The following CACNA2D3 variants were observed in gnomAD, a reference collection of about 807,000 sequenced individuals.
CACNA2D3 encodes calcium voltage-gated channel auxiliary subunit alpha2delta 3.
A neutral mutation model predicts 160.6 loss-of-function variants in CACNA2D3; 60 were observed. The observed-to-expected ratio is 0.37, with a 90% confidence interval of 0.30 to 0.46. CACNA2D3 has a LOEUF of 0.46. Among genes scored for constraint, CACNA2D3 ranks in the 20% least tolerant of loss-of-function variants. The pLI, the probability that CACNA2D3 is intolerant of heterozygous loss-of-function variation, is 1.00. For synonymous variants in CACNA2D3, 558 were observed against 492.9 expected (o/e 1.13, Z -1.75); for missense variants, 1,205 against 1,365.0 (o/e 0.88, Z 1.85).
chr3:54,999,035 C>T (rs557100555), intron 31 of CACNA2D3, among the ~76,000 whole-genome samples: 3 of 152,288 alleles, frequency 2.0e-5, no homozygotes, highest in Non-Finnish European at 2.9e-5. Flanking sequence ...CGTGAGCCAC[C>T]GCGCCCGGCC....
At chr3:54,467,415 A>T (rs569861266) in intron 4 of CACNA2D3, among the ~76,000 whole-genome samples, 1 of 152,302 alleles carries the variant, frequency 6.6e-6, no homozygotes, top group African/African-American at 2.4e-5. Flanking sequence ...AAGCTCAGGG[A>T]TTGCCAAGTA....
chr3:54,146,684 T>C (rs1246744963), intron 2 of CACNA2D3, among the ~76,000 whole-genome samples: 1 of 151,806 alleles, frequency 6.6e-6, no homozygotes, highest in Non-Finnish European at 1.5e-5. Flanking sequence ...TACAAGGGAG[T>C]GTGGTCTTTC....
At chr3:54,234,173 C>G (rs1701831343) in intron 2 of CACNA2D3, among the ~76,000 whole-genome samples, 1 of 152,056 alleles carries the variant, frequency 6.6e-6, no homozygotes. Context: ...AAAAAAAACT[C>G]CATTAAAAAG....
chr3:54,920,393 T>G (rs1575374698), intron 27 of CACNA2D3, among the ~76,000 whole-genome samples: 1 of 150,704 alleles, frequency 6.6e-6, no homozygotes, highest in South Asian at 2.1e-4. Flanking sequence ...TTGCCACTGC[T>G]TAAAACTGAA....
At chr3:54,622,813 T>C (rs552246360) in intron 9 of CACNA2D3, among the ~76,000 whole-genome samples, 71 of 151,930 alleles carry the variant, frequency 4.7e-4, no homozygotes, top group Non-Finnish European at 7.5e-4. Flanking sequence ...GGATTGATCA[T>C]CAGCAAAATC....
chr3:54,757,148 A>C (rs1049843149), intron 12 of CACNA2D3, among the ~76,000 whole-genome samples: 1 of 152,158 alleles, frequency 6.6e-6, no homozygotes, highest in Non-Finnish European at 1.5e-5. Flanking sequence ...GTATGCCAAG[A>C]TTTTAAATAA....
In CACNA2D3 at chr3:54,845,811, G is replaced by A. The variant is rs373637726; in HGVS notation, c.1552-582G>A. On this transcript the variant is annotated intron_variant, in intron 16 of 37. Transcript: ENST00000474759. ...ATGGAAGCATGCATGGAAAAGCTAGGCAGCCACACAATTTGAAGACGAAAG... is the reference window on the plus strand; with the variant it reads ...ATGGAAGCATGCATGGAAAAGCTAGACAGCCACACAATTTGAAGACGAAAG... 2.6e-5 allele frequency among the ~76,000 whole-genome samples: 4 copies of A among 152,284 alleles called. No individual in the cohort carries two copies. In the East Asian group the frequency reaches 5.8e-4, roughly 22 times the overall value.
At chr3:54,637,010 A>G (rs963528697) in intron 10 of CACNA2D3, among the ~76,000 whole-genome samples, 2 of 151,952 alleles carry the variant, frequency 1.3e-5, no homozygotes, top group Admixed American at 1.3e-4. Context: ...AGAGGGAGGT[A>G]TTGAGGATAG....
At chr3:54,780,845 A>G (rs1230264152) in intron 13 of CACNA2D3, among the ~76,000 whole-genome samples, 1 of 152,190 alleles carries the variant, frequency 6.6e-6, no homozygotes, top group African/African-American at 2.4e-5. Flanking sequence ...TAGATTTTTG[A>G]CAGCTGTTTG....
intron 11 of CACNA2D3, among the ~76,000 whole-genome samples, chr3:54,730,169 GACACTT>G (rs980011620): frequency 1.3e-5 from 2 of 152,098 alleles, no homozygotes; most frequent in Non-Finnish European, 2.9e-5. Context: ...CTGCATCTTT[GACACTT>G]ACATGTTCAA....
intron 4 of CACNA2D3, among the ~76,000 whole-genome samples, chr3:54,484,212 A>AT (rs991913306): frequency 3.9e-5 from 6 of 151,996 alleles, no homozygotes; most frequent in East Asian, 1.9e-4. Context: ...ACTACATAAC[A>AT]TTTTTTTTCA....
At chr3:54,388,036 G>A (rs1216856067) in intron 4 of CACNA2D3, among the ~76,000 whole-genome samples, 1 of 152,126 alleles carries the variant, frequency 6.6e-6, no homozygotes, top group East Asian at 1.9e-4. Context: ...ATATTCAAGT[G>A]GGGTGATCAA....
chr3:54,642,568 A>G (rs967773303), intron 11 of CACNA2D3, among the ~76,000 whole-genome samples: 4 of 152,142 alleles, frequency 2.6e-5, no homozygotes, highest in Non-Finnish European at 4.4e-5. Flanking sequence ...TGTTGGGCCC[A>G]GCATCTATAC....
At chr3:54,413,420 A>C (rs187123399) in intron 4 of CACNA2D3, among the ~76,000 whole-genome samples, 12,982 of 129,104 alleles carry the variant, frequency 0.1, 785 homozygotes, top group Admixed American at 0.21. Flanking sequence ...ATATATATAG[A>C]TATCTATATA....
At chr3:54,842,365 T>C (rs1304423058) in intron 16 of CACNA2D3, among the ~76,000 whole-genome samples, 2 of 152,198 alleles carry the variant, frequency 1.3e-5, no homozygotes. Context: ...ATATTTACTT[T>C]AGTTGGAATT....
intron 2 of CACNA2D3, among the ~76,000 whole-genome samples, chr3:54,132,414 TA>T (rs1453795617): frequency 6.6e-6 from 1 of 152,364 alleles, no homozygotes; most frequent in East Asian, 1.9e-4. Flanking sequence ...TACTGGTAAC[TA>T]ATTTAAAATT....
At chr3:54,828,481 T>C (rs1703791988) in intron 14 of CACNA2D3, among the ~76,000 whole-genome samples, 1 of 152,196 alleles carries the variant, frequency 6.6e-6, no homozygotes, top group Admixed American at 6.5e-5. Flanking sequence ...CCTCCCTCTA[T>C]CTAGAAGTTT....
chr3:54,959,033 C>T lies in CACNA2D3; in HGVS notation c.2450-9417C>T, dbSNP rs146524598. On this transcript the variant is annotated intron_variant, in intron 27 of 37. Coordinates refer to ENST00000474759, the MANE Select transcript of CACNA2D3 (RefSeq NM_018398.3). ...GGATAATTGCCTGAGCCTGGGAGGT[C>T]GAGGCTGCAGTGAGCCATGATCGCG... is the stretch of plus-strand genomic sequence containing the variant. Among the ~76,000 whole-genome samples the T allele has an allele frequency of 1.0e-2, 1,515 of 151,874 alleles. 25 individuals are homozygous for T. Among genetic ancestry groups the T allele is most frequent in the African/African-American group, 0.034 (1,422 of 41,408 alleles).
At chr3:54,764,950 C>T (rs964164395) in intron 13 of CACNA2D3, among the ~76,000 whole-genome samples, 1 of 152,302 alleles carries the variant, frequency 6.6e-6, no homozygotes, top group East Asian at 1.9e-4. Context: ...CTTTGCCAAT[C>T]ATCAAGTAAT....
Sources: gnomAD v4.1 joint callset for allele counts (sites outside exome capture counted in the v4.1 genomes callset) on GRCh38, gnomAD v4.1.1 for gene constraint, MANE v1.5 for transcripts, NCBI Gene and HGNC (gene_info 2026-07-23, HGNC 2026-07-21) for gene names.